AK9: variants seen among roughly 807,000 people sequenced by gnomAD.
AK9 encodes adenylate kinase 9, also known as adenylate kinase domain containing 1.
A neutral mutation model predicts 239.6 loss-of-function variants in AK9; 191 were observed. The observed-to-expected ratio is 0.80, with a 90% CI of 0.71 to 0.90. AK9 has a LOEUF of 0.90. AK9 is among the 40% of genes least tolerant of loss of function. The pLI, the probability that AK9 is intolerant of heterozygous loss-of-function variation, is 0.00. For missense variants in AK9, 1,995 were observed against 2,214.7 expected, an observed-to-expected ratio of 0.90 and a Z score of 1.99; for synonymous variants, 689 against 721.0, an observed-to-expected ratio of 0.96 and a Z score of 0.71.
intron 17 of AK9, 24 bp downstream of exon 17, chr6:109,610,341 G>A (rs150800676): frequency 6.5e-7 from 1 of 1,548,868 alleles, no homozygotes; most frequent in African/African-American, 1.4e-5. Flanking sequence ...TCACTGATAA[G>A]AATTGCCCAG....
chr6:109,666,440 C>G (rs1410987517), intron 5 of AK9, among the ~76,000 whole-genome samples: 1 of 152,220 alleles, frequency 6.6e-6, no homozygotes, highest in Non-Finnish European at 1.5e-5. Context: ...AGCCCTTGCC[C>G]TTCCATGCTA....
intron 29 of AK9, among the ~76,000 whole-genome samples, chr6:109,523,239 A>T (rs960825835): frequency 7.6e-6 from 1 of 131,190 alleles, no homozygotes; most frequent in African/African-American, 2.6e-5. Flanking sequence ...ACAAAAGATC[A>T]TCTAAGAGAC....
chr6:109,612,095 T>G lies in AK9; in HGVS notation c.1610-2A>C. The stretch of plus-strand genomic sequence containing the variant: ...ATGTTTCACCAGTTTCTTTTCCATC[T>G]GTGAATAAAACATTGTGAATGCCTA... On this transcript the variant is annotated splice_acceptor_variant, in intron 15 of 40. Transcript: ENST00000424296. LOFTEE classifies it high-confidence loss of function. The G allele has an allele frequency of 6.6e-7, 1 of 1,525,794 alleles. No individual in the cohort carries two copies. The highest frequency in any genetic ancestry group is 8.8e-7 in the Non-Finnish European group (1 of 1,132,624). 94.5% of individuals were successfully genotyped at this position (1,525,794 alleles called of 1,614,324 possible). A position where few individuals can be genotyped will look rare whatever the true frequency, so the allele number is the denominator to read the frequency against.
At position 109,641,646 on chromosome 6, in the gene AK9, A is replaced by G. The variant is rs1259332466; in HGVS notation, c.835-30T>C. On this transcript the variant is annotated intron_variant, in intron 9 of 40. Transcript: ENST00000424296. ...ATTTAAAGAACAGATATTTAACTAC[A>G]TTGGCATCTGAATATCTCAAATACT... 4 of 1,557,886 alleles carry G rather than the reference A, an allele frequency of 2.6e-6. No individual in the cohort carries two copies. The East Asian group carries it at 9.0e-5, about 35-fold the overall frequency.
At chr6:109,565,572 C>T (rs1226309458) in intron 21 of AK9, among the ~76,000 whole-genome samples, 1 of 152,064 alleles carries the variant, frequency 6.6e-6, no homozygotes, top group Non-Finnish European at 1.5e-5. Flanking sequence ...TAGGTGTAGG[C>T]ATGGAGAGAT....
intron 17 of AK9, among the ~76,000 whole-genome samples, chr6:109,586,281 T>C (rs1160272759): frequency 6.6e-6 from 1 of 152,078 alleles, no homozygotes; most frequent in African/African-American, 2.4e-5. Context: ...CTGGGCGAAG[T>C]GGTGCATGCC....
chr6:109,662,356 G>C (rs1483344654), intron 6 of AK9, among the ~76,000 whole-genome samples, 195 bp downstream of exon 6: 1 of 152,144 alleles, frequency 6.6e-6, no homozygotes, highest in Non-Finnish European at 1.5e-5. Context: ...CTGGTGAAGA[G>C]GCAAGAAGGT....
intron 12 of AK9, among the ~76,000 whole-genome samples, chr6:109,631,454 G>T (rs1053789993): frequency 2.0e-5 from 3 of 152,142 alleles, no homozygotes; most frequent in Non-Finnish European, 4.4e-5. Context: ...AGTCATTAGG[G>T]AAATGCAAAT....
rs956088841 is a variant in AK9 at position 109,641,610 on chromosome 6, T to C, written c.841A>G (p.Met281Val). The C allele has an allele frequency of 1.9e-6, 3 of 1,609,956 alleles. No individual in the cohort carries two copies. The highest frequency in any genetic ancestry group is 1.1e-5 in the South Asian group (1 of 90,966). Residue 281 changes from methionine to valine, a missense_variant, in exon 10 of 41, where the codon ATG becomes GTG. Met to Val is a conservative substitution (Grantham distance 21). Transcript: ENST00000424296. ...KPAEELFMIV[M>V]DRLKYLNLKR... is the part of the protein sequence containing the mutation. ...AGGTTCAGATATTTAAGTCGATCCATAACAATCTAGATTTAAAGAACAGAT... is the reference window on the plus strand; with the variant it reads ...AGGTTCAGATATTTAAGTCGATCCACAACAATCTAGATTTAAAGAACAGAT...
At chr6:109,505,139 A>G (rs1402632857) in intron 35 of AK9, among the ~76,000 whole-genome samples, 1 of 152,260 alleles carries the variant, frequency 6.6e-6, no homozygotes, top group Non-Finnish European at 1.5e-5. Flanking sequence ...TTTGTAAACA[A>G]ACAGGAACCA....
At chr6:109,654,948 G>T (rs1199492813) in intron 8 of AK9, among the ~76,000 whole-genome samples, 1 of 152,168 alleles carries the variant, frequency 6.6e-6, no homozygotes, top group African/African-American at 2.4e-5. Context: ...GAATTGTAGG[G>T]TCTTACCCTT....
intron 20 of AK9, among the ~76,000 whole-genome samples, chr6:109,576,800 G>C (rs1476058126): frequency 6.7e-6 from 1 of 150,288 alleles, no homozygotes; most frequent in African/African-American, 2.4e-5. Flanking sequence ...TCCCCTTTCA[G>C]TATAATGTTG....
At chr6:109,531,174 T>C (rs976598450) in intron 28 of AK9, among the ~76,000 whole-genome samples, 2 of 152,138 alleles carry the variant, frequency 1.3e-5, no homozygotes, top group Non-Finnish European at 2.9e-5. Context: ...TGGGATAAGA[T>C]TGAGAATTCA....
intron 12 of AK9, 104 bp from the exon 13 acceptor site, chr6:109,619,340 T>C: frequency 8.3e-7 from 1 of 1,210,960 alleles, no homozygotes; most frequent in Non-Finnish European, 1.1e-6. Flanking sequence ...CTATCTCTAT[T>C]CCAAAAATAT....
chr6:109,691,151 G>A lies in AK9; in HGVS notation c.-16C>T. On this transcript the variant is annotated 5_prime_UTR_variant, in exon 1 of 41. Transcript: ENST00000424296. ...ATGTTTTCCTCCAATCCTTACCAAA[G>A]ATGGTGCCCTTCGCTTCCTCTCTCG... 3 of 562,180 alleles carry A rather than the reference G, an allele frequency of 5.3e-6. No individual in the cohort carries two copies. The highest frequency in any genetic ancestry group is 9.6e-6 in the Non-Finnish European group (3 of 313,240). 34.8% of individuals were successfully genotyped at this position (562,180 alleles called of 1,614,324 possible). A position where few individuals can be genotyped will look rare whatever the true frequency, so the allele number is the denominator to read the frequency against.
intron 1 of AK9, among the ~76,000 whole-genome samples, chr6:109,688,027 C>T (rs1176510286): frequency 6.6e-6 from 1 of 152,102 alleles, no homozygotes; most frequent in African/African-American, 2.4e-5. Context: ...GGCATGGTGG[C>T]AGGGATGAAG....
intron 29 of AK9, among the ~76,000 whole-genome samples, chr6:109,517,102 T>C (rs564843102): frequency 5.3e-5 from 8 of 152,326 alleles, no homozygotes; most frequent in African/African-American, 1.9e-4. Context: ...GCGGGTTCAC[T>C]GTCTCAGTTT....
Position 109,612,017 on chromosome 6 carries a change from T to G in AK9, c.1686A>C (p.Ser562=), listed in dbSNP as rs1294910282. ...ATACAAATATTAATTTACCTGTATC[T>G]GAATACAACTTTACATCTTGACTAG... ...QDASQDVKLY[S]DTAPTEDLIE... Residue 562 remains serine (S), a synonymous_variant, in exon 16 of 41, where the codon TCA becomes TCC. Coordinates refer to ENST00000424296, the MANE Select transcript of AK9 (RefSeq NM_001145128.3). 1 of 1,514,582 alleles carries G rather than the reference T, an allele frequency of 6.6e-7. No homozygotes were observed. Among genetic ancestry groups the G allele is most frequent in the South Asian group, 1.3e-5 (1 of 79,146 alleles). The allele number at this position is 1,514,582 out of a possible 1,614,324, so 93.8% of individuals were successfully genotyped here.
At chr6:109,613,771 CA>C (rs1312036806) in intron 15 of AK9, among the ~76,000 whole-genome samples, 1 of 151,302 alleles carries the variant, frequency 6.6e-6, no homozygotes, top group Non-Finnish European at 1.5e-5. Context: ...CTCTTATGTT[CA>C]AATATGAATA....
Sources: gnomAD v4.1 joint callset for allele counts (sites outside exome capture counted in the v4.1 genomes callset) on GRCh38, gnomAD v4.1.1 for gene constraint, MANE v1.5 for transcripts, NCBI Gene and HGNC (gene_info 2026-07-23, HGNC 2026-07-21) for gene names.